FRYL: variants seen among roughly 807,000 people sequenced by gnomAD.
FRYL encodes the protein protein furry homolog-like.
Under a neutral mutation model 351.2 loss-of-function variants are expected in FRYL, and 150 were observed. The observed-to-expected ratio is 0.43, with a 90% CI of 0.37 to 0.49. FRYL has a LOEUF of 0.49. Among genes scored for constraint, FRYL ranks in the 20% least tolerant of loss-of-function variants. FRYL has a pLI of 0.00. For missense variants in FRYL, 3,036 were observed against 3,619.3 expected, an observed-to-expected ratio of 0.84 and a Z score of 4.13; for synonymous variants, 1,153 against 1,257.1, an observed-to-expected ratio of 0.92 and a Z score of 1.75.
Position 48,603,295 on chromosome 4 carries a change from A to G in FRYL, c.928T>C (p.Ser310Pro). Reference protein sequence around the residue: ...TFELSSRKKHSLALYPLITCL... With the variant: ...TFELSSRKKHPLALYPLITCL... ...TTTGAAATGTTTCTTAATACCAATGAATGCTTCTTTCTCGAGCTCAGTTCA... is the reference window on the plus strand; with the variant it reads ...TTTGAAATGTTTCTTAATACCAATGGATGCTTCTTTCTCGAGCTCAGTTCA... Residue 310 changes from serine to proline, a missense_variant, in exon 12 of 64, where the codon TCA becomes CCA. By Grantham distance (74) the Ser-to-Pro change is moderately conservative (BLOSUM62 -1). This residue lies in a region of FRYL where 457 missense variants were observed against 566.6 expected (regional missense o/e 0.81). Coordinates refer to ENST00000358350, the MANE Select transcript of FRYL (RefSeq NM_015030.2). 1 of 1,593,484 alleles carries G rather than the reference A, an allele frequency of 6.3e-7. No homozygotes were observed. The highest frequency in any genetic ancestry group is 8.6e-7 in the Non-Finnish European group (1 of 1,166,200).
chr4:48,649,846 G>C (rs1757269857), intron 3 of FRYL, among the ~76,000 whole-genome samples: 1 of 152,108 alleles, frequency 6.6e-6, no homozygotes. Flanking sequence ...ATAAAAAGTA[G>C]CATTTAACAT....
At chr4:48,681,312 T>G (rs1764577271) in intron 3 of FRYL, 1 of 220,066 alleles carries the variant, frequency 4.5e-6, no homozygotes, top group Non-Finnish European at 9.3e-6. Context: ...AGGACATTAC[T>G]GTTTGTGCTG....
At chr4:48,674,736 C>CAAAAAAAAAAAA (rs58696045) in intron 3 of FRYL, among the ~76,000 whole-genome samples, 1 of 55,780 alleles carries the variant, frequency 1.8e-5, no homozygotes, top group Non-Finnish European at 2.9e-5. Context: ...GACTCTGTCT[C>CAAAAAAAAAAAA]AAAAAAAAAA....
chr4:48,770,999 T>C lies in FRYL; in HGVS notation c.-384+9079A>G, dbSNP rs1230753656. 2.0e-5 allele frequency among the ~76,000 whole-genome samples: 3 copies of C among 152,340 alleles called. No individual in the cohort carries two copies. The East Asian group carries it at 5.8e-4, about 29-fold the overall frequency. On this transcript the variant is annotated intron_variant, in intron 1 of 63. Transcript: ENST00000358350. ...AGTTCTTTTTTTGTTTGTTTTTTGT[T>C]ATTTCCTTTCAAATCTACATCTGCA... is the stretch of plus-strand genomic sequence containing the variant.
chr4:48,681,743 G>C (rs1279999997), intron 3 of FRYL, among the ~76,000 whole-genome samples: 1 of 152,010 alleles, frequency 6.6e-6, no homozygotes, highest in Non-Finnish European at 1.5e-5. Context: ...GAAAACTTCA[G>C]CATGAATAAC....
chr4:48,510,075 C>T lies in FRYL; in HGVS notation c.8378G>A (p.Arg2793Lys), dbSNP rs1722156685. Residue 2793 changes from arginine to lysine, a missense_variant, in exon 59 of 64, where the codon AGA becomes AAA. Transcript: ENST00000358350. ...GAGACTGACCTGCTCAGCGGCTTCT[C>T]TTTTCACATTGTATGTATCCAGGTG... ...QEHLDTYNVK[R>K]EAAEQWLDDC... 1.2e-6 allele frequency: 2 copies of T among 1,613,038 alleles called. No individual in the cohort carries two copies. The highest frequency in any genetic ancestry group is 1.7e-6 in the Non-Finnish European group (2 of 1,179,112).
At chr4:48,559,070 C>G (rs1734797236) in intron 33 of FRYL, among the ~76,000 whole-genome samples, 1 of 152,166 alleles carries the variant, frequency 6.6e-6, no homozygotes, top group Non-Finnish European at 1.5e-5. Flanking sequence ...ACCTCTGATC[C>G]TTGATTTCTT....
chr4:48,768,795 A>G (rs1412460047), intron 1 of FRYL, among the ~76,000 whole-genome samples: 1 of 146,990 alleles, frequency 6.8e-6, no homozygotes, highest in Non-Finnish European at 1.5e-5. Flanking sequence ...TGTCTCAAAG[A>G]AAAAAAAAAA....
chr4:48,712,705 G>A (rs575716101), intron 1 of FRYL, among the ~76,000 whole-genome samples: 5 of 152,272 alleles, frequency 3.3e-5, no homozygotes, highest in African/African-American at 9.6e-5. Flanking sequence ...TCAGATTCAG[G>A]AAATGCAGAG....
Position 48,543,989 on chromosome 4 carries a change from G to A in FRYL, c.5410C>T (p.His1804Tyr), listed in dbSNP as rs1730781920. 1.2e-6 allele frequency: 2 copies of A among 1,613,364 alleles called. No individual in the cohort carries two copies. The highest frequency in any genetic ancestry group is 1.7e-6 in the Non-Finnish European group (2 of 1,179,528). ...ACTTCACTAAGATGATGTTCCAGAT[G>A]AATTCCTTCTGTGAATGCAAAGGAA... Reference protein sequence around the residue: ...VFKQSSSEGIHLEHHLSEVAL... With the variant: ...VFKQSSSEGIYLEHHLSEVAL... The change falls in exon 44 of 64, where the codon CAT becomes TAT. Residue 1804 changes from histidine to tyrosine, a missense_variant. Physicochemically the swap from His to Tyr is moderately conservative, Grantham distance 83 (BLOSUM62 2). This residue lies in a region of FRYL where 1,987 missense variants were observed against 2,311.7 expected (regional missense o/e 0.86). Coordinates refer to ENST00000358350, the MANE Select transcript of FRYL (RefSeq NM_015030.2).
chr4:48,624,037 G>C (rs1180235927), intron 4 of FRYL, among the ~76,000 whole-genome samples: 2 of 152,132 alleles, frequency 1.3e-5, no homozygotes, highest in Non-Finnish European at 2.9e-5. Context: ...TGTGCCAGTT[G>C]AACTTGCTTG....
intron 1 of FRYL, among the ~76,000 whole-genome samples, chr4:48,775,509 G>T (rs1775923675): frequency 6.6e-6 from 1 of 152,072 alleles, no homozygotes; most frequent in Non-Finnish European, 1.5e-5. Flanking sequence ...AACCCTTTCT[G>T]CCCTCTGGGG....
At chr4:48,653,898 C>G (rs578194380) in intron 3 of FRYL, 3 of 1,257,708 alleles carry the variant, frequency 2.4e-6, no homozygotes, top group East Asian at 1.1e-4. Flanking sequence ...CCCTTCTCTT[C>G]TCACAGGCAG....
intron 3 of FRYL, chr4:48,637,121 G>A (rs1051821540): frequency 6.6e-5 from 10 of 151,996 alleles, no homozygotes; most frequent in Admixed American, 3.3e-4. Flanking sequence ...TGATGAAATC[G>A]ACTAGAAAAA....
At position 48,534,521 on chromosome 4, in the gene FRYL, T is replaced by C. The variant is rs186367785; in HGVS notation, c.6705+24A>G. The C allele has an allele frequency of 3.3e-3, 5,125 of 1,561,212 alleles. 19 individuals carry two copies. Among genetic ancestry groups the C allele is most frequent in the South Asian group, 4.8e-3 (417 of 87,416 alleles). ...AATCATTTTTAGATGAAAAATGTTA[T>C]ATGTAAGTTTTGTGGTCACTCACCT... On this transcript the variant is annotated intron_variant, in intron 49 of 63. Coordinates refer to ENST00000358350, the MANE Select transcript of FRYL (RefSeq NM_015030.2).
At chr4:48,661,212 T>A (rs908149167) in intron 3 of FRYL, among the ~76,000 whole-genome samples, 1 of 152,150 alleles carries the variant, frequency 6.6e-6, no homozygotes, top group African/African-American at 2.4e-5. Context: ...TTAAAAAAAA[T>A]TTCATTTTCA....
At chr4:48,725,556 C>T (rs1431329900) in intron 1 of FRYL, among the ~76,000 whole-genome samples, 3 of 152,136 alleles carry the variant, frequency 2.0e-5, no homozygotes, top group Admixed American at 6.5e-5. Context: ...TTCTCAGTAG[C>T]GTGATGAAAT....
At position 48,768,612 on chromosome 4, in the gene FRYL, G is replaced by A. The variant is rs992722854; in HGVS notation, c.-384+11466C>T. ...AAGGTCAGGAGTTTGAGACTAGCCT[G>A]ACCAACATGGTGAAACCCTGTCTCT... On this transcript the variant is annotated intron_variant, in intron 1 of 63. Transcript: ENST00000358350. Among the ~76,000 whole-genome samples, 41 of 152,026 alleles carry A rather than the reference G, an allele frequency of 2.7e-4. 1 individual carries two copies. The highest frequency in any genetic ancestry group is 9.9e-4 in the African/African-American group (41 of 41,388).
intron 3 of FRYL, chr4:48,637,512 T>C (rs932183019): frequency 6.6e-6 from 1 of 152,134 alleles, no homozygotes; most frequent in Non-Finnish European, 1.5e-5. Flanking sequence ...GAAAGATTTA[T>C]GTAAGCCTAT....
Sources: gnomAD v4.1 joint callset for allele counts (sites outside exome capture counted in the v4.1 genomes callset) on GRCh38, gnomAD v4.1.1 for gene constraint, gnomAD v4.1.1 regional missense constraint, MANE v1.5 for transcripts, NCBI Gene and HGNC (gene_info 2026-07-23, HGNC 2026-07-21) for gene names.